SUGCT: variants seen among roughly 807,000 people sequenced by gnomAD.
The protein encoded by SUGCT is succinyl-CoA:glutarate CoA-transferase.
SUGCT carries 41 observed loss-of-function variants against 55.0 expected under a neutral mutation model. That is an observed-to-expected ratio of 0.74 (90% CI 0.58 to 0.97). The LOEUF is 0.97. SUGCT is among the 50% of genes least tolerant of loss of function. The pLI is 0.00. For missense variants in SUGCT, 568 were observed against 547.8 expected (o/e 1.04, Z -0.37); for synonymous variants, 187 against 200.4 (o/e 0.93, Z 0.56).
chr7:40,899,407 A>C, the SUGCT span, among the ~76,000 whole-genome samples: 1 of 152,244 alleles, frequency 6.6e-6, no homozygotes, highest in Non-Finnish European at 1.5e-5. Flanking sequence ...AGGCTGCGCC[A>C]AAGCCTCTTT....
chr7:40,713,556 C>T (rs1291693125), intron 12 of SUGCT, among the ~76,000 whole-genome samples: 1 of 152,122 alleles, frequency 6.6e-6, no homozygotes. Context: ...GGTTAAAAAC[C>T]AGTTTTCACC....
At chr7:40,442,182 G>A (rs1417545147) in intron 9 of SUGCT, among the ~76,000 whole-genome samples, 1 of 152,114 alleles carries the variant, frequency 6.6e-6, no homozygotes, top group Non-Finnish European at 1.5e-5. Flanking sequence ...CCATATCTTA[G>A]CAGAATTCAA....
At chr7:41,017,780 A>AAAG in the SUGCT span, among the ~76,000 whole-genome samples, 1 of 151,538 alleles carries the variant, frequency 6.6e-6, no homozygotes, top group African/African-American at 2.4e-5. Flanking sequence ...CAAAAAAAAA[A>AAAG]AAAAAGAAAG....
intron 12 of SUGCT, among the ~76,000 whole-genome samples, chr7:40,657,523 C>T (rs1009552349): frequency 5.9e-5 from 9 of 151,578 alleles, no homozygotes; most frequent in Non-Finnish European, 7.4e-5. Flanking sequence ...TTTTTTGAGA[C>T]GGAGTCCTAC....
chr7:40,469,093 TA>T (rs1790276000), intron 11 of SUGCT, among the ~76,000 whole-genome samples: 1 of 152,202 alleles, frequency 6.6e-6, no homozygotes, highest in Non-Finnish European at 1.5e-5. Context: ...TAGAGAAACT[TA>T]TTGTTTTCAC....
chr7:40,657,627 C>T (rs937885654), intron 12 of SUGCT, among the ~76,000 whole-genome samples: 48 of 151,670 alleles, frequency 3.2e-4, no homozygotes, highest in African/African-American at 9.9e-4. Context: ...CTCTGCCTCC[C>T]GGGTTCAAGC....
At chr7:40,975,688 C>A in the SUGCT span, among the ~76,000 whole-genome samples, 2,060 of 152,240 alleles carry the variant, frequency 0.014, 53 homozygotes, top group African/African-American at 0.047. Flanking sequence ...TGAAACCCAT[C>A]TTGCAGCCCA....
the SUGCT span, among the ~76,000 whole-genome samples, chr7:40,913,014 T>TTC: frequency 6.7e-6 from 1 of 148,324 alleles, no homozygotes; most frequent in South Asian, 2.2e-4. Context: ...TCCAATTTTT[T>TTC]TTTTTTTTTT....
intron 1 of SUGCT, among the ~76,000 whole-genome samples, chr7:40,159,544 T>A (rs1335239581): frequency 1.3e-5 from 2 of 152,234 alleles, no homozygotes; most frequent in Admixed American, 1.3e-4. Flanking sequence ...CTAATTTTTC[T>A]TATTTTAGTA....
intron 6 of SUGCT, among the ~76,000 whole-genome samples, chr7:40,221,585 G>T (rs1250215726): frequency 2.0e-5 from 3 of 149,688 alleles, no homozygotes; most frequent in African/African-American, 7.4e-5. Flanking sequence ...CCGCCTCCCG[G>T]GTTCAAGTGA....
intron 9 of SUGCT, among the ~76,000 whole-genome samples, chr7:40,333,353 GT>G (rs1796433355): frequency 6.6e-6 from 1 of 151,812 alleles, no homozygotes; most frequent in African/African-American, 2.4e-5. Flanking sequence ...AGTATATTTA[GT>G]GGCCGGGCGT....
chr7:41,036,291 A>G, the SUGCT span, among the ~76,000 whole-genome samples: 2 of 152,098 alleles, frequency 1.3e-5, no homozygotes, highest in African/African-American at 4.8e-5. Context: ...TTTCGAGAAA[A>G]TTTTCATAGC....
chr7:40,981,734 A>G, the SUGCT span, among the ~76,000 whole-genome samples: 1 of 152,224 alleles, frequency 6.6e-6, no homozygotes, highest in Non-Finnish European at 1.5e-5. Flanking sequence ...ACATTAGAAC[A>G]TGAACACAAG....
the SUGCT span, among the ~76,000 whole-genome samples, chr7:40,989,851 T>C: frequency 6.6e-6 from 1 of 152,208 alleles, no homozygotes; most frequent in Non-Finnish European, 1.5e-5. Flanking sequence ...TTTAGTCACT[T>C]CTTCAGGCTA....
At chr7:40,544,974 T>A (rs1007545354) in intron 12 of SUGCT, among the ~76,000 whole-genome samples, 11 of 152,204 alleles carry the variant, frequency 7.2e-5, no homozygotes, top group African/African-American at 2.7e-4. Flanking sequence ...CATGCACTTA[T>A]ACAGCCCTCT....
At chr7:40,981,455 G>A in the SUGCT span, among the ~76,000 whole-genome samples, 1 of 152,118 alleles carries the variant, frequency 6.6e-6, no homozygotes, top group South Asian at 2.1e-4. Context: ...GAAACTGAAT[G>A]CATGATCTCT....
intron 12 of SUGCT, among the ~76,000 whole-genome samples, chr7:40,664,405 C>T (rs563764271): frequency 6.6e-6 from 1 of 152,254 alleles, no homozygotes; most frequent in East Asian, 1.9e-4. Flanking sequence ...CTGGCTCAAT[C>T]TGGATGCATG....
At chr7:40,895,754 CT>C in the SUGCT span, among the ~76,000 whole-genome samples, 5 of 152,064 alleles carry the variant, frequency 3.3e-5, no homozygotes, top group Non-Finnish European at 7.4e-5. Flanking sequence ...TAAAAACAAT[CT>C]TGAACAAAAA....
intron 13 of SUGCT, among the ~76,000 whole-genome samples, chr7:40,859,157 G>A (rs757409154): frequency 3.3e-5 from 5 of 152,142 alleles, no homozygotes; most frequent in Non-Finnish European, 7.4e-5. Context: ...TTCTCCTGAA[G>A]CCTAATCAAA....
Sources: gnomAD v4.1 joint callset for allele counts (sites outside exome capture counted in the v4.1 genomes callset) on GRCh38, gnomAD v4.1.1 for gene constraint, MANE v1.5 for transcripts, NCBI Gene and HGNC (gene_info 2026-07-23, HGNC 2026-07-21) for gene names.